AK7: variants seen among roughly 807,000 people sequenced by gnomAD.
The protein encoded by AK7 is adenylate kinase 7.
AK7 carries 78 observed loss-of-function variants against 96.6 expected under a neutral mutation model. The observed-to-expected ratio is 0.81, with a 90% confidence interval of 0.67 to 0.97. The LOEUF is 0.97. Ranked by LOEUF, AK7 falls within the 50% of genes least tolerant of loss-of-function variation. The probability of loss-of-function intolerance (pLI) is 0.00; values close to 1 mark genes in which losing one functional copy is unlikely to be tolerated. For synonymous variants in AK7, 302 were observed against 317.2 expected, an observed-to-expected ratio of 0.95 and a Z score of 0.51; for missense variants, 855 against 887.9, an observed-to-expected ratio of 0.96 and a Z score of 0.47.
chr14:96,397,573 C>A (rs1300461994), intron 1 of AK7, among the ~76,000 whole-genome samples: 1 of 152,056 alleles, frequency 6.6e-6, no homozygotes, highest in Non-Finnish European at 1.5e-5. Flanking sequence ...TTAATTTTAC[C>A]CTTTGTTTTC....
chr14:96,440,810 T>C (rs928222687), intron 6 of AK7, among the ~76,000 whole-genome samples: 3 of 152,312 alleles, frequency 2.0e-5, no homozygotes, highest in Admixed American at 1.3e-4. Flanking sequence ...TTTGAGTGCT[T>C]CAATATTTAA....
intron 1 of AK7, 104 bp from the exon 2 acceptor site, chr14:96,397,971 C>A: frequency 8.5e-7 from 1 of 1,183,314 alleles, no homozygotes; most frequent in Non-Finnish European, 1.2e-6. Flanking sequence ...GCCTTGGTGG[C>A]ACCCAGCAAG....
intron 5 of AK7, chr14:96,423,581 G>T: frequency 2.0e-6 from 1 of 494,704 alleles, no homozygotes. Flanking sequence ...CAGTGCTCAG[G>T]TCTTGTCTGT....
At chr14:96,424,174 G>A in intron 5 of AK7, 1 of 606,134 alleles carries the variant, frequency 1.6e-6, no homozygotes, top group South Asian at 1.5e-5. Context: ...TCCACTTCCT[G>A]AAGGCTCCAG....
chr14:96,475,128 C>T (rs1183739409), intron 14 of AK7, among the ~76,000 whole-genome samples: 1 of 152,214 alleles, frequency 6.6e-6, no homozygotes, highest in African/African-American at 2.4e-5. Context: ...AGTGCAAACA[C>T]GTCTAAGACG....
intron 12 of AK7, among the ~76,000 whole-genome samples, chr14:96,459,581 C>T (rs549361360): frequency 2.8e-4 from 43 of 151,958 alleles, no homozygotes; most frequent in African/African-American, 9.6e-4. Flanking sequence ...TGGATGAGGC[C>T]GGGCACGGTG....
At chr14:96,426,592 G>C (rs1325233582) in intron 5 of AK7, among the ~76,000 whole-genome samples, 1 of 152,146 alleles carries the variant, frequency 6.6e-6, no homozygotes, top group Non-Finnish European at 1.5e-5. Flanking sequence ...TTGTAGGACA[G>C]GTCTGGTATT....
rs1895919838 is a variant in AK7 at position 96,488,867 on chromosome 14, G to C, written c.*524G>C. The stretch of plus-strand genomic sequence containing the variant: ...TTAAATGAAGCAATGGTTAGGGAAA[G>C]GTTGCTTTGAGTTCAGGGTCAGGAT... On this transcript the variant is annotated 3_prime_UTR_variant, in exon 18 of 18. Coordinates refer to ENST00000267584, the MANE Select transcript of AK7 (RefSeq NM_152327.5). The C allele has an allele frequency of 1.3e-5, 2 of 150,762 alleles. No individual in the cohort carries two copies. The highest frequency in any genetic ancestry group is 6.6e-5 in the Admixed American group (1 of 15,158). 9.3% of individuals were successfully genotyped at this position (150,762 alleles called of 1,614,324 possible). A position where few individuals can be genotyped will look rare whatever the true frequency, so the allele number is the denominator to read the frequency against.
chr14:96,463,698 C>T (rs551202043), intron 12 of AK7, among the ~76,000 whole-genome samples: 17 of 118,682 alleles, frequency 1.4e-4, no homozygotes, highest in Admixed American at 3.5e-4. Flanking sequence ...CCAGCCTGGG[C>T]GACAGAGCAA....
chr14:96,468,572 C>T (rs1333610680), intron 12 of AK7, among the ~76,000 whole-genome samples: 2 of 152,050 alleles, frequency 1.3e-5, no homozygotes, highest in African/African-American at 4.8e-5. Flanking sequence ...GCTGGGATTA[C>T]AGGCGTGAGC....
intron 15 of AK7, 109 bp from the exon 16 acceptor site, chr14:96,482,889 TG>T: frequency 9.3e-7 from 1 of 1,072,200 alleles, no homozygotes; most frequent in Non-Finnish European, 1.4e-6. Context: ...AAACCCTATG[TG>T]GTAATTTACA....
rs756093588 is a variant in AK7 at position 96,398,077 on chromosome 14, T to C, written c.108T>C (p.Phe36=). Residue 36 remains phenylalanine, a splice_region_variant and synonymous_variant, in exon 2 of 18, where the codon TTT becomes TTC. Coordinates refer to ENST00000267584, the MANE Select transcript of AK7 (RefSeq NM_152327.5). ...DSYSSGNIGK[F]LSNCVVGASL... is the part of the protein sequence containing the mutation. ...GGGAAATTTCTGTTTCCTTGCAGTTTCTATCTAACTGTGTAGTTGGGGCTT... is the reference window on the plus strand; with the variant it reads ...GGGAAATTTCTGTTTCCTTGCAGTTCCTATCTAACTGTGTAGTTGGGGCTT... 4 of 1,612,710 alleles carry C rather than the reference T, an allele frequency of 2.5e-6. No homozygotes were observed. The highest frequency in any genetic ancestry group is 3.4e-6 in the Non-Finnish European group (4 of 1,179,284).
intron 1 of AK7, among the ~76,000 whole-genome samples, chr14:96,395,800 ATTTTTTTTTTTTTT>A (rs1172936912): frequency 5.8e-5 from 4 of 69,018 alleles, no homozygotes; most frequent in East Asian, 5.1e-4. Flanking sequence ...TTGATTTTGA[ATTTTTTTTTTTTTT>A]TTTTTTTTTT....
Position 96,442,783 on chromosome 14 carries a change from T to G in AK7, c.744T>G (p.Asn248Lys), listed in dbSNP as rs1162514778. 1 of 1,614,092 alleles carries G rather than the reference T, an allele frequency of 6.2e-7. No homozygotes were observed. Among genetic ancestry groups the G allele is most frequent in the Non-Finnish European group, 8.5e-7 (1 of 1,180,040 alleles). Residue 248 changes from asparagine (N) to lysine (K), a missense_variant, in exon 7 of 18, where the codon AAT becomes AAG. Asn to Lys is a moderately conservative substitution (Grantham distance 94, BLOSUM62 0). Coordinates refer to ENST00000267584, the MANE Select transcript of AK7 (RefSeq NM_152327.5). Reference protein sequence around the residue: ...PALPVFGDGTNVIPTIHVLDL... With the variant: ...PALPVFGDGTKVIPTIHVLDL... ...TACCAGTTTTTGGCGATGGAACAAA[T>G]GTAATTCCAACAATCCATGTTCTTG... is the stretch of plus-strand genomic sequence containing the variant.
At chr14:96,476,966 T>C (rs372865349) in intron 14 of AK7, among the ~76,000 whole-genome samples, 2 of 152,338 alleles carry the variant, frequency 1.3e-5, no homozygotes, top group East Asian at 1.9e-4. Flanking sequence ...TCCGACATCA[T>C]AGAGCTTAAA....
chr14:96,479,267 C>T (rs1251881715), intron 15 of AK7, among the ~76,000 whole-genome samples: 1 of 151,840 alleles, frequency 6.6e-6, no homozygotes, highest in African/African-American at 2.4e-5. Flanking sequence ...TTAGTAGAGA[C>T]GGGGTTTCAC....
In AK7 at chr14:96,451,508, A is replaced by G; in HGVS notation, c.1036A>G (p.Thr346Ala). The G allele has an allele frequency of 6.2e-7, 1 of 1,602,260 alleles. No homozygotes were observed. The highest frequency in any genetic ancestry group is 8.5e-7 in the Non-Finnish European group (1 of 1,173,526). ...ENFNIRWAAQ[T>A]GFVENINTIL... ...TTTTAATATTCGATGGGCTGCCCAA[A>G]CAGGATTTGTGGAAAATATCAACAC... is the stretch of plus-strand genomic sequence containing the variant. Residue 346 changes from threonine to alanine, a missense_variant, in exon 10 of 18, where the codon ACA becomes GCA. By Grantham distance (58) the Thr-to-Ala change is moderately conservative. Transcript: ENST00000267584.
intron 12 of AK7, among the ~76,000 whole-genome samples, chr14:96,470,418 G>A (rs1208446535): frequency 6.6e-6 from 1 of 152,134 alleles, no homozygotes; most frequent in African/African-American, 2.4e-5. Flanking sequence ...ATTAAGCAAG[G>A]TAAGGATGGG....
At chr14:96,486,351 T>G (rs1256901542) in intron 16 of AK7, among the ~76,000 whole-genome samples, 2 of 152,244 alleles carry the variant, frequency 1.3e-5, no homozygotes, top group East Asian at 3.8e-4. Flanking sequence ...GTCAACAATT[T>G]ACAAGTTATT....
Sources: allele counts gnomAD v4.1 joint callset (sites outside exome capture counted in the v4.1 genomes callset), GRCh38; gene constraint gnomAD v4.1.1; transcripts MANE v1.5; gene names NCBI Gene and HGNC (gene_info 2026-07-23, HGNC 2026-07-21).